TMCC1: variants seen among roughly 807,000 people sequenced by gnomAD.
TMCC1 encodes transmembrane and coiled-coil domains protein 1.
TMCC1 carries 15 observed loss-of-function variants against 52.4 expected under a neutral mutation model. The observed-to-expected ratio is 0.29, with a 90% CI of 0.19 to 0.44. TMCC1 has a LOEUF of 0.44. Ranked by LOEUF, TMCC1 falls within the 20% of genes least tolerant of loss-of-function variation. TMCC1 has a pLI of 1.00. For synonymous variants in TMCC1, 279 were observed against 301.9 expected (o/e 0.92, Z 0.79); for missense variants, 503 against 806.0 (o/e 0.62, Z 4.55).
intron 4 of TMCC1, among the ~76,000 whole-genome samples, chr3:129,677,726 G>A (rs2088580515): frequency 6.6e-6 from 1 of 152,194 alleles, no homozygotes; most frequent in Admixed American, 6.5e-5. Context: ...AGCTTGTGAA[G>A]AGTAGAGGGT....
At chr3:129,707,395 G>A (rs1362579884) in intron 4 of TMCC1, among the ~76,000 whole-genome samples, 1 of 152,032 alleles carries the variant, frequency 6.6e-6, no homozygotes, top group African/African-American at 2.4e-5. Flanking sequence ...AATGTCAAAG[G>A]GGAAAAATCA....
At position 129,707,930 on chromosome 3, in the gene TMCC1, CAA is replaced by C. The variant is rs931591808; in HGVS notation, c.577-36668_577-36667del. Among the ~76,000 whole-genome samples the C allele has an allele frequency of 5.5e-5, 7 of 128,128 alleles. No individual in the cohort carries two copies. In the Admixed American group the frequency reaches 5.6e-4, roughly 10 times the overall value. 84.1% of individuals were successfully genotyped at this position (128,128 alleles called of 152,430 possible). ...CTGGCGACAGAGCAAGACTCAGTCT[CAA>C]AAAAAAAAAAGTTAAAATTGAGACG... On this transcript the variant is annotated intron_variant, in intron 4 of 6. Transcript: ENST00000393238.
chr3:129,822,209 T>A (rs2058455361), intron 4 of TMCC1, among the ~76,000 whole-genome samples: 1 of 152,216 alleles, frequency 6.6e-6, no homozygotes, highest in African/African-American at 2.4e-5. Flanking sequence ...TTAAAATAAC[T>A]TTAGGGAATC....
rs34048545 is a variant in TMCC1, at chr3:129,791,088, A to ATT, written c.576+36713_576+36714dup. Among the ~76,000 whole-genome samples, 444 of 82,922 alleles carry ATT rather than the reference A, an allele frequency of 5.4e-3. 4 individuals carry two copies. The highest frequency in any genetic ancestry group is 0.015 in the African/African-American group (381 of 25,528). The allele number at this position is 82,922 out of a possible 152,430, so 54.4% of individuals were successfully genotyped here. ...TAGAGAGAATGATTGACACTCCATA[A>ATT]TTTTTTTTTTTTTTTTTTTTTTTGA... is the stretch of plus-strand genomic sequence containing the variant. On this transcript the variant is annotated intron_variant, in intron 4 of 6. Coordinates refer to ENST00000393238, the MANE Select transcript of TMCC1 (RefSeq NM_001017395.5).
In TMCC1 at chr3:129,655,049, T is replaced by C; in HGVS notation, c.1566A>G (p.Glu522=). 6.2e-7 allele frequency: 1 copy of C among 1,614,182 alleles called. No homozygotes were observed. Among genetic ancestry groups the C allele is most frequent in the Non-Finnish European group, 8.5e-7 (1 of 1,180,024 alleles). Residue 522 remains glutamate (E), a synonymous_variant, in exon 6 of 7, where the codon GAA becomes GAG. Transcript: ENST00000393238. ...LNDLTELHQN[E]ILNLKQELAS... ...CCAGTTCCTGCTTCAAGTTCAAGAT[T>C]TCATTCTGGTGGAGCTCTGTTAGGT...
chr3:129,683,408 T>C (rs1405132989), intron 4 of TMCC1, among the ~76,000 whole-genome samples: 1 of 152,204 alleles, frequency 6.6e-6, no homozygotes, highest in African/African-American at 2.4e-5. Flanking sequence ...ATTCTAATTT[T>C]CTACATGAAA....
At chr3:129,841,170 T>C (rs1395798080) in intron 2 of TMCC1, among the ~76,000 whole-genome samples, 1 of 152,212 alleles carries the variant, frequency 6.6e-6, no homozygotes. Context: ...AACAGACTGG[T>C]GGCATTTTGT....
chr3:129,703,704 T>C (rs975819174), intron 4 of TMCC1, among the ~76,000 whole-genome samples: 19 of 152,320 alleles, frequency 1.2e-4, no homozygotes, highest in African/African-American at 4.3e-4. Context: ...ATTCGGCTAT[T>C]AACACCAGTA....
chr3:129,835,293 T>TA (rs1289394430), intron 2 of TMCC1, among the ~76,000 whole-genome samples: 12 of 151,388 alleles, frequency 7.9e-5, no homozygotes, highest in Admixed American at 3.3e-4. Flanking sequence ...TTTCCAAACA[T>TA]AAAAAAAATT....
chr3:129,886,801 G>A (rs1274370949), intron 1 of TMCC1, among the ~76,000 whole-genome samples: 4 of 151,902 alleles, frequency 2.6e-5, no homozygotes, highest in African/African-American at 7.3e-5. Flanking sequence ...AGCCAGGTGT[G>A]GTGTGTGCAC....
chr3:129,843,063 G>A (rs1360842638), intron 2 of TMCC1, among the ~76,000 whole-genome samples: 1 of 152,118 alleles, frequency 6.6e-6, no homozygotes, highest in African/African-American at 2.4e-5. Context: ...AAAACAGAAG[G>A]AGGCCAGGTG....
intron 2 of TMCC1, among the ~76,000 whole-genome samples, chr3:129,850,088 C>T (rs1431615201): frequency 6.6e-6 from 1 of 151,878 alleles, no homozygotes; most frequent in Non-Finnish European, 1.5e-5. Context: ...AGTCTAATTC[C>T]TGATAGAAAA....
At position 129,799,365 on chromosome 3, in the gene TMCC1, T is replaced by C. The variant is rs749773122; in HGVS notation, c.576+28438A>G. Among the ~76,000 whole-genome samples, 56 of 152,158 alleles carry C rather than the reference T, an allele frequency of 3.7e-4. 1 individual carries two copies. Among genetic ancestry groups the C allele is most frequent in the Non-Finnish European group, 5.9e-5 (4 of 68,018 alleles). ...AGCAGAAAGTAGTTTCAAGAGGCTATTTGGCCCAGTTCCTTGTATCCAACT... is the reference window on the plus strand; with the variant it reads ...AGCAGAAAGTAGTTTCAAGAGGCTACTTGGCCCAGTTCCTTGTATCCAACT... On this transcript the variant is annotated intron_variant, in intron 4 of 6. Transcript: ENST00000393238.
intron 4 of TMCC1, among the ~76,000 whole-genome samples, chr3:129,768,137 CATGACTGCACCACTGT>C (rs1038946307): frequency 2.6e-5 from 4 of 152,212 alleles, no homozygotes; most frequent in South Asian, 2.1e-4. Flanking sequence ...TGCAGTGAGC[CATGACTGCACCACTGT>C]ATGACTGCAC....
chr3:129,660,307 C>T (rs979861788), intron 5 of TMCC1, among the ~76,000 whole-genome samples: 1 of 151,988 alleles, frequency 6.6e-6, no homozygotes, highest in African/African-American at 2.4e-5. Flanking sequence ...GCCACCACGC[C>T]CGGTTAATTT....
chr3:129,706,738 T>C (rs1414588744), intron 4 of TMCC1, among the ~76,000 whole-genome samples: 1 of 152,220 alleles, frequency 6.6e-6, no homozygotes, highest in East Asian at 1.9e-4. Flanking sequence ...AAATTGTTCA[T>C]AAAATAAGGC....
chr3:129,822,672 T>C lies in TMCC1; in HGVS notation c.576+5131A>G, dbSNP rs557067251. ...GCTCAACCAGGTAAAGAGGCAAGAA[T>C]GCTGAACACAAAACAAGAGGGAACC... is the stretch of plus-strand genomic sequence containing the variant. On this transcript the variant is annotated intron_variant, in intron 4 of 6. Coordinates refer to ENST00000393238, the MANE Select transcript of TMCC1 (RefSeq NM_001017395.5). Among the ~76,000 whole-genome samples, 192 of 152,328 alleles carry C rather than the reference T, an allele frequency of 1.3e-3. 1 individual carries two copies. The highest frequency in any genetic ancestry group is 4.6e-3 in the African/African-American group (191 of 41,584).
At chr3:129,879,831 G>A (rs1439373080) in intron 2 of TMCC1, among the ~76,000 whole-genome samples, 1 of 152,164 alleles carries the variant, frequency 6.6e-6, no homozygotes, top group East Asian at 1.9e-4. Context: ...TATGCAGAAT[G>A]AGAACAAATT....
intron 4 of TMCC1, among the ~76,000 whole-genome samples, chr3:129,768,244 G>A (rs1419304012): frequency 6.6e-6 from 1 of 152,158 alleles, no homozygotes; most frequent in Non-Finnish European, 1.5e-5. Flanking sequence ...CTTTCGGTAT[G>A]TTATAATAGA....
Sources: allele counts gnomAD v4.1 joint callset (sites outside exome capture counted in the v4.1 genomes callset), GRCh38; gene constraint gnomAD v4.1.1; transcripts MANE v1.5; gene names NCBI Gene and HGNC (gene_info 2026-07-23, HGNC 2026-07-21).